MTG1: variants seen among roughly 807,000 people sequenced by gnomAD.
MTG1 encodes the protein mitochondrial ribosome-associated GTPase 1.
In MTG1, 30 loss-of-function variants were observed where a neutral mutation model predicts 39.5. The observed-to-expected ratio is 0.76, with a 90% CI of 0.57 to 1.03. The LOEUF (loss-of-function observed/expected upper bound fraction) is 1.03, where lower values mean the gene tolerates loss of function less well. Ranked by LOEUF, MTG1 falls within the 50% of genes least tolerant of loss-of-function variation. The pLI is 0.00. For missense variants in MTG1, 513 were observed against 447.4 expected, an observed-to-expected ratio of 1.15 and a Z score of -1.32; for synonymous variants, 217 against 179.0, an observed-to-expected ratio of 1.21 and a Z score of -1.69.
chr10:133,413,525 G>T (rs1850075550), intron 9 of MTG1, among the ~76,000 whole-genome samples: 1 of 152,224 alleles, frequency 6.6e-6, no homozygotes, highest in Non-Finnish European at 1.5e-5. Context: ...TGGGATTTCA[G>T]ATGTGAGCCA....
chr10:133,396,371 A>G, intron 3 of MTG1, 104 bp downstream of exon 3: 3 of 1,009,314 alleles, frequency 3.0e-6, no homozygotes, highest in Non-Finnish European at 4.6e-6. Flanking sequence ...CAGTTTGCCC[A>G]GGCAGGCTCT....
Position 133,401,535 on chromosome 10 carries a change from C to T in MTG1, c.518C>T (p.Ala173Val). 6.3e-7 allele frequency: 1 copy of T among 1,577,912 alleles called. No homozygotes were observed. The highest frequency in any genetic ancestry group is 8.6e-7 in the Non-Finnish European group (1 of 1,161,292). The change falls in exon 7 of 11, where the codon GCC becomes GTC. Residue 173 changes from alanine to valine, a missense_variant. Ala to Val is a moderately conservative substitution (Grantham distance 64, BLOSUM62 0). Transcript: ENST00000317502. ...TTTTCTCCTTTTCCTACAGGGAAAG[C>T]CACCAGGGTGGGTGGCGAGCCTGGG... ...LRRQHLRKGK[A>V]TRVGGEPGIT...
intron 1 of MTG1, among the ~76,000 whole-genome samples, chr10:133,395,184 A>C (rs953126367): frequency 5.9e-5 from 9 of 152,194 alleles, no homozygotes; most frequent in Non-Finnish European, 1.3e-4. Flanking sequence ...TCACGAGGTC[A>C]GGACATCGAG....
chr10:133,417,024 T>A (rs1850142469), intron 9 of MTG1, among the ~76,000 whole-genome samples: 1 of 150,320 alleles, frequency 6.7e-6, no homozygotes, highest in Non-Finnish European at 1.5e-5. Context: ...CCACCAACAG[T>A]GTAAAAGTGT....
At chr10:133,404,964 C>T (rs1216879298) in intron 9 of MTG1, among the ~76,000 whole-genome samples, 1 of 152,140 alleles carries the variant, frequency 6.6e-6, no homozygotes, top group Non-Finnish European at 1.5e-5. Context: ...CTGGTAGCCC[C>T]CACTCTTCTT....
chr10:133,411,421 G>C (rs1173128819), intron 9 of MTG1, among the ~76,000 whole-genome samples: 3 of 152,150 alleles, frequency 2.0e-5, no homozygotes, highest in African/African-American at 7.2e-5. Flanking sequence ...CTGTAGGGTA[G>C]TTTTATTTGG....
At chr10:133,419,638 C>A in intron 10 of MTG1, 46 bp downstream of exon 10, 1 of 1,478,588 alleles carries the variant, frequency 6.8e-7, no homozygotes, top group South Asian at 1.2e-5. Context: ...ACCCCATCAC[C>A]CTGGGGGACC....
intron 9 of MTG1, 45 bp from the exon 10 acceptor site, chr10:133,419,435 T>A (rs145800143): frequency 1.9e-5 from 29 of 1,519,570 alleles, no homozygotes; most frequent in Non-Finnish European, 2.6e-5. Context: ...GGCCGCGCGG[T>A]GTCAGTGCTG....
chr10:133,415,064 G>T (rs539725023), intron 9 of MTG1, among the ~76,000 whole-genome samples: 84 of 152,364 alleles, frequency 5.5e-4, no homozygotes, highest in Non-Finnish European at 9.6e-4. Flanking sequence ...CACTCGGCAG[G>T]CTGAGGCAGG....
intron 1 of MTG1, 97 bp downstream of exon 1, chr10:133,394,429 C>A: frequency 5.3e-6 from 7 of 1,331,354 alleles, no homozygotes; most frequent in South Asian, 1.6e-5. Context: ...TTCTCCCGGT[C>A]GTTCTGGGCT....
rs772199528 is a variant in MTG1 at position 133,420,140 on chromosome 10, A to G, written c.980A>G (p.His327Arg). 1 of 1,611,580 alleles carries G rather than the reference A, an allele frequency of 6.2e-7. No homozygotes were observed. Among genetic ancestry groups the G allele is most frequent in the South Asian group, 1.1e-5 (1 of 90,840 alleles). ...VMLDLDVLRG[H>R]PPAETLP ...CTGGACCTCGACGTCCTGCGGGGCC[A>G]CCCCCCGGCTGAGACTTTGCCCTGA... The change falls in exon 11 of 11, where the codon CAC becomes CGC. Residue 327 changes from histidine (H) to arginine (R), a missense_variant. Coordinates refer to ENST00000317502, the MANE Select transcript of MTG1 (RefSeq NM_138384.4).
chr10:133,401,124 G>A lies in MTG1; in HGVS notation c.512-405G>A, dbSNP rs1379988448. 2.0e-5 allele frequency among the ~76,000 whole-genome samples: 3 copies of A among 152,200 alleles called. No homozygotes were observed. In the South Asian group the frequency reaches 6.2e-4, roughly 31 times the overall value. Reference sequence around the variant, plus strand: ...CTGTGGGAGGCAGGCTGACCTTGGGGTGCAGGGGTGGGTCCAGGAGGGAGG... The same window carrying A: ...CTGTGGGAGGCAGGCTGACCTTGGGATGCAGGGGTGGGTCCAGGAGGGAGG... On this transcript the variant is annotated intron_variant, in intron 6 of 10. Transcript: ENST00000317502.
At chr10:133,394,684 C>G in intron 1 of MTG1, 1 of 1,115,582 alleles carries the variant, frequency 9.0e-7, no homozygotes, top group African/African-American at 1.6e-5. Context: ...ATGTTCTTGA[C>G]AAGATAGACT....
chr10:133,418,490 C>T (rs11101745), intron 9 of MTG1, among the ~76,000 whole-genome samples: 22,447 of 151,496 alleles, frequency 0.15, 2,269 homozygotes, highest in African/African-American at 0.29. Context: ...CTCCTCTCTC[C>T]TGGGACAGCT....
At chr10:133,395,106 C>T (rs1849761036) in intron 1 of MTG1, among the ~76,000 whole-genome samples, 1 of 152,126 alleles carries the variant, frequency 6.6e-6, no homozygotes, top group Non-Finnish European at 1.5e-5. Context: ...GATTAAGACC[C>T]GTGGAAGGGC....
In MTG1 at chr10:133,420,020, C is replaced by T; in HGVS notation, c.866-6C>T. The stretch of plus-strand genomic sequence containing the variant: ...TCCTTCCTCACTGAACCCTCCCGTC[C>T]CCCAGGTAACGTGAACATTATTCAG... On this transcript the variant is annotated splice_region_variant and splice_polypyrimidine_tract_variant and intron_variant, in intron 10 of 10. Coordinates refer to ENST00000317502, the MANE Select transcript of MTG1 (RefSeq NM_138384.4). 1 of 1,604,624 alleles carries T rather than the reference C, an allele frequency of 6.2e-7. No homozygotes were observed. The highest frequency in any genetic ancestry group is 2.2e-5 in the East Asian group (1 of 44,724).
intron 9 of MTG1, among the ~76,000 whole-genome samples, chr10:133,411,884 A>T (rs1487969888): frequency 1.3e-5 from 2 of 150,106 alleles, no homozygotes; most frequent in African/African-American, 4.9e-5. Context: ...GTTTTTTTTT[A>T]ACTGTTACCT....
chr10:133,399,899 T>C, intron 6 of MTG1: 2 of 376,424 alleles, frequency 5.3e-6, no homozygotes, highest in Non-Finnish European at 9.6e-6. Context: ...TGTTCATTTA[T>C]TTAAATCCCT....
At chr10:133,406,188 T>G (rs980005896) in intron 9 of MTG1, among the ~76,000 whole-genome samples, 21 of 151,860 alleles carry the variant, frequency 1.4e-4, no homozygotes, top group Non-Finnish European at 2.2e-4. Flanking sequence ...AGTTATGTGG[T>G]TTTTTTTGCT....
Sources: gnomAD v4.1 joint callset for allele counts (sites outside exome capture counted in the v4.1 genomes callset) on GRCh38, gnomAD v4.1.1 for gene constraint, MANE v1.5 for transcripts, NCBI Gene and HGNC (gene_info 2026-07-23, HGNC 2026-07-21) for gene names.